PSG3: variants seen among roughly 807,000 people sequenced by gnomAD.
PSG3 encodes pregnancy-specific beta-1-glycoprotein 3.
PSG3 carries 61 observed loss-of-function variants against 47.5 expected under a neutral mutation model. The observed-to-expected ratio is 1.28, with a 90% CI of 1.05 to 1.59. The LOEUF is 1.59. PSG3 is among the 40% of genes most tolerant of loss of function. PSG3 has a pLI of 0.00. For synonymous variants in PSG3, 263 were observed against 198.4 expected, an observed-to-expected ratio of 1.33 and a Z score of -2.74; for missense variants, 756 against 524.0, an observed-to-expected ratio of 1.44 and a Z score of -4.32.
chr19:42,729,823 G>GT lies in PSG3; in HGVS notation c.942_943insA (p.Arg315ThrfsTer45). 6.2e-7 allele frequency: 1 copy of GT among 1,613,644 alleles called. No individual in the cohort carries two copies. Among genetic ancestry groups the GT allele is most frequent in the Non-Finnish European group, 8.5e-7 (1 of 1,179,862 alleles). The stretch of plus-strand genomic sequence containing the variant: ...GGGTAACTGCGGATGCCACCATATC[G>GT]GTCCTGTATTTCACATTGATAGGGT... On this transcript the variant is annotated frameshift_variant, in exon 4 of 7. Transcript: ENST00000327495. LOFTEE classifies it high-confidence loss of function.
Position 42,740,449 on chromosome 19 carries a change from A to G in PSG3, c.-65T>C, listed in dbSNP as rs1448599731. ...CCTAGGATCCAGAAACTTCCTGAGC[A>G]TGGCTCTCAGCTGTGCTGTCCTTCC... On this transcript the variant is annotated 5_prime_UTR_variant, in exon 1 of 7. It removes an upstream start codon present in the reference 5' UTR. Coordinates refer to ENST00000327495, the MANE Select transcript of PSG3 (RefSeq NM_021016.4). 12 of 1,613,258 alleles carry G rather than the reference A, an allele frequency of 7.4e-6. No homozygotes were observed. Among genetic ancestry groups the G allele is most frequent in the Non-Finnish European group, 9.3e-6 (11 of 1,179,682 alleles).
intron 3 of PSG3, among the ~76,000 whole-genome samples, chr19:42,731,180 T>C (rs1211599085): frequency 2.0e-5 from 3 of 152,228 alleles, no homozygotes; most frequent in African/African-American, 7.2e-5. Flanking sequence ...AGATCTGCTG[T>C]AGAGCTTGAT....
At chr19:42,727,379 C>T (rs1969394440) in intron 5 of PSG3, among the ~76,000 whole-genome samples, 1 of 152,036 alleles carries the variant, frequency 6.6e-6, no homozygotes, top group African/African-American at 2.4e-5. Flanking sequence ...AAATTAATTT[C>T]CAGAATACAT....
Position 42,729,341 on chromosome 19 carries a change from G to A in PSG3, c.1025C>T (p.Thr342Ile), listed in dbSNP as rs1969430813. 6.2e-6 allele frequency: 10 copies of A among 1,614,106 alleles called. No homozygotes were observed. Among genetic ancestry groups the A allele is most frequent in the Middle Eastern group, 1.6e-4 (1 of 6,062 alleles). Residue 342 changes from threonine (T) to isoleucine (I), a missense_variant, in exon 5 of 7, where the codon ACC becomes ATC. Physicochemically the swap from Thr to Ile is moderately conservative, Grantham distance 89. Transcript: ENST00000327495. Reference protein sequence around the residue: ...PDLPRIYPSFTYYHSGENLYL... With the variant: ...PDLPRIYPSFIYYHSGENLYL... ...GAGGTTTTCTCCTGAATGGTAATAG[G>A]TGAATGAAGGGTAAATTCTGGGGAG...
chr19:42,740,251 C>T, intron 1 of PSG3, 70 bp downstream of exon 1: 1 of 1,613,046 alleles, frequency 6.2e-7, no homozygotes, highest in Non-Finnish European at 8.5e-7. Context: ...CCCCAGGAGT[C>T]TCTCCAGGAG....
intron 2 of PSG3, chr19:42,733,271 C>T: frequency 8.9e-7 from 1 of 1,118,000 alleles, no homozygotes; most frequent in Non-Finnish European, 1.2e-6. Flanking sequence ...GAAGCACAGA[C>T]TTTCTTAACT....
intron 2 of PSG3, among the ~76,000 whole-genome samples, chr19:42,734,779 C>T (rs78723980): frequency 6.6e-6 from 1 of 151,970 alleles, no homozygotes; most frequent in Non-Finnish European, 1.5e-5. Context: ...AGGAAGGATG[C>T]CAAACTAAAA....
intron 5 of PSG3, among the ~76,000 whole-genome samples, chr19:42,724,590 A>G (rs190305490): frequency 1.3e-5 from 2 of 152,258 alleles, no homozygotes; most frequent in African/African-American, 2.4e-5. Flanking sequence ...AAAAACTCTT[A>G]TAATTGAATT....
chr19:42,728,002 C>G (rs1349744142), intron 5 of PSG3, among the ~76,000 whole-genome samples: 1 of 152,130 alleles, frequency 6.6e-6, no homozygotes, highest in Non-Finnish European at 1.5e-5. Context: ...ATTATGCTAA[C>G]TGAAATAAGC....
chr19:42,736,004 CCAG>C (rs2122192454), intron 2 of PSG3, among the ~76,000 whole-genome samples: 1 of 152,266 alleles, frequency 6.6e-6, no homozygotes, highest in African/African-American at 2.4e-5. Flanking sequence ...TGGGCATAGG[CCAG>C]GCTAACCTTG....
intron 2 of PSG3, 197 bp from the exon 3 acceptor site, chr19:42,733,259 G>C: frequency 8.4e-7 from 1 of 1,194,520 alleles, no homozygotes; most frequent in Non-Finnish European, 1.1e-6. Context: ...CTTCGTGTGG[G>C]AGAAGCACAG....
At chr19:42,729,630 T>A (rs1969437180) in intron 4 of PSG3, 148 bp downstream of exon 4, 2 of 1,515,684 alleles carry the variant, frequency 1.3e-6, no homozygotes, top group Non-Finnish European at 1.8e-6. Context: ...CCTACCCAGA[T>A]CTTCCCAGGG....
chr19:42,731,555 T>C (rs1317670964), intron 3 of PSG3, among the ~76,000 whole-genome samples: 1 of 152,128 alleles, frequency 6.6e-6, no homozygotes, highest in Non-Finnish European at 1.5e-5. Flanking sequence ...ATCAGAACTT[T>C]CCACCTTTTC....
intron 2 of PSG3, among the ~76,000 whole-genome samples, chr19:42,734,666 C>A (rs957398071): frequency 1.3e-5 from 2 of 152,146 alleles, no homozygotes; most frequent in African/African-American, 4.8e-5. Flanking sequence ...TCACATTATG[C>A]TCAAAGAAAG....
intron 5 of PSG3, among the ~76,000 whole-genome samples, chr19:42,727,428 C>T (rs1397437792): frequency 6.6e-6 from 1 of 151,898 alleles, no homozygotes; most frequent in Non-Finnish European, 1.5e-5. Context: ...ATCCAAAAAC[C>T]CAATTAAAAA....
rs751406254 is a variant in PSG3, at chr19:42,722,057, G to T, written c.*74C>A. ...AAAGCAATTTTGGACTGTAGCTGAT[G>T]GTAAATACTTTGAGGAAGAATGAAA... On this transcript the variant is annotated 3_prime_UTR_variant, in exon 7 of 7. Coordinates refer to ENST00000327495, the MANE Select transcript of PSG3 (RefSeq NM_021016.4). The T allele has an allele frequency of 2.4e-4, 98 of 414,738 alleles. No individual in the cohort carries two copies. The highest frequency in any genetic ancestry group is 4.1e-4 in the Non-Finnish European group (93 of 226,136). The allele number at this position is 414,738 out of a possible 1,614,324, so 25.7% of individuals were successfully genotyped here. A position where few individuals can be genotyped will look rare whatever the true frequency, so the allele number is the denominator to read the frequency against.
At chr19:42,739,274 T>C (rs1394456965) in intron 1 of PSG3, 185 bp from the exon 2 acceptor site, 4 of 1,077,286 alleles carry the variant, frequency 3.7e-6, no homozygotes, top group African/African-American at 1.6e-5. Flanking sequence ...ACTCTCCTAC[T>C]AGGTGAAGGT....
chr19:42,729,402 AG>A, intron 4 of PSG3, 25 bp from the exon 5 acceptor site: 1 of 1,596,918 alleles, frequency 6.3e-7, no homozygotes, highest in Non-Finnish European at 8.5e-7. Context: ...ATAAAGCCAC[AG>A]GTGATGTCAT....
chr19:42,728,796 G>A (rs4368263), intron 5 of PSG3, among the ~76,000 whole-genome samples: 1 of 152,196 alleles, frequency 6.6e-6, no homozygotes, highest in African/African-American at 2.4e-5. Flanking sequence ...AGAAGGGGAT[G>A]TGTTGGTGAC....
Sources: gnomAD v4.1 joint callset for allele counts (sites outside exome capture counted in the v4.1 genomes callset) on GRCh38, gnomAD v4.1.1 for gene constraint, MANE v1.5 for transcripts, NCBI Gene and HGNC (gene_info 2026-07-23, HGNC 2026-07-21) for gene names.